Variants in RAPH1 observed in about 807,000 individuals in gnomAD.
RAPH1 encodes the protein ras-associated and pleckstrin homology domains-containing protein 1.
In RAPH1, 18 loss-of-function variants were observed where a neutral mutation model predicts 88.1. The observed-to-expected ratio is 0.20, with a 90% CI of 0.14 to 0.30. The LOEUF (loss-of-function observed/expected upper bound fraction) is 0.30. Ranked by LOEUF, RAPH1 falls within the 10% of genes least tolerant of loss-of-function variation. The pLI, the probability that RAPH1 is intolerant of heterozygous loss-of-function variation, is 1.00. For synonymous variants in RAPH1, 587 were observed against 559.0 expected, an observed-to-expected ratio of 1.05 and a Z score of -0.71; for missense variants, 1,448 against 1,543.2, an observed-to-expected ratio of 0.94 and a Z score of 1.03.
rs1252865697 is a variant in RAPH1 at position 203,506,746 on chromosome 2, A to ATATATATATATC, written c.1-11405_1-11394dup. ...AATCCATATATAGATATATATCTAT[A>ATATATATATATC]TATATATATATCTATATATATATCT... On this transcript the variant is annotated intron_variant, in intron 1 of 13. Coordinates refer to ENST00000319170, the MANE Select transcript of RAPH1 (RefSeq NM_213589.3). Among the ~76,000 whole-genome samples, 705 of 118,776 alleles carry ATATATATATATC rather than the reference A, an allele frequency of 5.9e-3. 50 individuals are homozygous for ATATATATATATC. The highest frequency in any genetic ancestry group is 0.028 in the African/African-American group (656 of 23,614). 77.9% of individuals were successfully genotyped at this position (118,776 alleles called of 152,430 possible). A position where few individuals can be genotyped will look rare whatever the true frequency, so the allele number is the denominator to read the frequency against.
At chr2:203,467,243 C>G (rs192186511) in intron 4 of RAPH1, among the ~76,000 whole-genome samples, 204 of 152,164 alleles carry the variant, frequency 1.3e-3, no homozygotes, top group African/African-American at 4.7e-3. Flanking sequence ...TACTGGAGGG[C>G]TCTGCATTCC....
intron 1 of RAPH1, among the ~76,000 whole-genome samples, chr2:203,503,801 G>A (rs889020682): frequency 2.6e-5 from 4 of 152,172 alleles, no homozygotes; most frequent in African/African-American, 9.7e-5. Flanking sequence ...TACAATGGGG[G>A]TACAGGTATT....
At chr2:203,491,605 C>T (rs1241855721) in intron 2 of RAPH1, among the ~76,000 whole-genome samples, 2 of 152,132 alleles carry the variant, frequency 1.3e-5, no homozygotes, top group Non-Finnish European at 2.9e-5. Flanking sequence ...ACTGCAACCT[C>T]CGCCTCCCGG....
At chr2:203,471,068 T>C (rs1311726993) in intron 4 of RAPH1, among the ~76,000 whole-genome samples, 1 of 152,220 alleles carries the variant, frequency 6.6e-6, no homozygotes, top group East Asian at 1.9e-4. Context: ...TAACATGTTG[T>C]AAGATAAGTT....
intron 1 of RAPH1, among the ~76,000 whole-genome samples, chr2:203,506,836 ATC>A (rs368040216): frequency 0.55 from 46,323 of 84,562 alleles, 14,495 homozygotes; most frequent in Middle Eastern, 0.74. Context: ...ATATATCTAT[ATC>A]TATATATCTA....
At chr2:203,518,115 C>T (rs1343627479) in intron 1 of RAPH1, among the ~76,000 whole-genome samples, 2 of 152,028 alleles carry the variant, frequency 1.3e-5, no homozygotes, top group Non-Finnish European at 2.9e-5. Context: ...AATTGATAAG[C>T]TTCTAGGTAG....
chr2:203,503,495 G>GC (rs1018725435), intron 1 of RAPH1, among the ~76,000 whole-genome samples: 59 of 152,054 alleles, frequency 3.9e-4, no homozygotes, highest in Non-Finnish European at 5.9e-4. Context: ...AGAAAGACTG[G>GC]CCCCCAAGAT....
chr2:203,475,750 A>T lies in RAPH1; in HGVS notation c.733-13825T>A, dbSNP rs75811127. ...GTTCTTTTTCCTACACTTCTTGTATAAAAAAAAAAAAAAAAAGGCTTCTGA... is the reference window on the plus strand; with the variant it reads ...GTTCTTTTTCCTACACTTCTTGTATTAAAAAAAAAAAAAAAAGGCTTCTGA... On this transcript the variant is annotated intron_variant, in intron 4 of 13. Transcript: ENST00000319170. 5.7e-4 allele frequency among the ~76,000 whole-genome samples: 64 copies of T among 112,842 alleles called. No individual in the cohort carries two copies. In the East Asian group the frequency reaches 0.011, roughly 20 times the overall value. The allele number at this position is 112,842 out of a possible 152,430, so 74.0% of individuals were successfully genotyped here.
chr2:203,503,472 C>G lies in RAPH1; in HGVS notation c.1-8119G>C, dbSNP rs1688837077. 2.0e-5 allele frequency among the ~76,000 whole-genome samples: 3 copies of G among 152,252 alleles called. No homozygotes were observed. The South Asian group carries it at 6.2e-4, about 32-fold the overall frequency. ...GATCTCATGAACTTATTCACTATCA[C>G]AAGATTAGCACAAGAAAGACTGGCC... On this transcript the variant is annotated intron_variant, in intron 1 of 13. Coordinates refer to ENST00000319170, the MANE Select transcript of RAPH1 (RefSeq NM_213589.3).
At chr2:203,470,268 C>T (rs1239442017) in intron 4 of RAPH1, 2 of 1,612,380 alleles carry the variant, frequency 1.2e-6, no homozygotes, top group Non-Finnish European at 1.7e-6. Flanking sequence ...GGTTTTCCTG[C>T]AATGTTTCTC....
In RAPH1 at chr2:203,441,036, G is replaced by C. The variant is rs2098503314; in HGVS notation, c.2154C>G (p.Pro718=). 1 of 1,504,478 alleles carries C rather than the reference G, an allele frequency of 6.6e-7. No homozygotes were observed. Among genetic ancestry groups the C allele is most frequent in the Admixed American group, 1.7e-5 (1 of 58,336 alleles). The allele number at this position is 1,504,478 out of a possible 1,614,324, so 93.2% of individuals were successfully genotyped here. A position where few individuals can be genotyped will look rare whatever the true frequency, so the allele number is the denominator to read the frequency against. ...VVPPPPPPPP[P]PTPGSAMAQL... ...GGGCCATGGCAGAGCCTGGGGTTGG[G>C]GGTGGAGGAGGGGGAGGGGGTGGTG... is the stretch of plus-strand genomic sequence containing the variant. Residue 718 remains proline, a synonymous_variant, in exon 14 of 14, where the codon CCC becomes CCG. Transcript: ENST00000319170.
intron 4 of RAPH1, among the ~76,000 whole-genome samples, chr2:203,482,018 AC>A (rs1270909213): frequency 8.7e-5 from 12 of 137,858 alleles, no homozygotes; most frequent in Admixed American, 2.3e-4. Context: ...GAAAAAAAAA[AC>A]ACACACACAC....
At chr2:203,506,853 T>TAG (rs1689084072) in intron 1 of RAPH1, among the ~76,000 whole-genome samples, 1 of 40,136 alleles carries the variant, frequency 2.5e-5, no homozygotes, top group Admixed American at 3.1e-4. Context: ...TATCTATCTA[T>TAG]ATCTATATAT....
At chr2:203,480,419 G>A (rs907704639) in intron 4 of RAPH1, among the ~76,000 whole-genome samples, 1 of 152,118 alleles carries the variant, frequency 6.6e-6, no homozygotes, top group African/African-American at 2.4e-5. Flanking sequence ...GTGGTGGTGC[G>A]CGCCTATAGT....
intron 12 of RAPH1, chr2:203,447,118 T>C (rs1325668496): frequency 6.6e-6 from 1 of 151,934 alleles, no homozygotes; most frequent in Non-Finnish European, 1.5e-5. Flanking sequence ...TCATCTTGTA[T>C]ATATTCTCTG....
Position 203,448,095 on chromosome 2 carries a change from G to C in RAPH1, c.1513-16C>G. ...GCTTCCCATACTAAAGAGAAGACAGGAAATGGTGACATCTAAACTTTACTG... is the reference window on the plus strand; with the variant it reads ...GCTTCCCATACTAAAGAGAAGACAGCAAATGGTGACATCTAAACTTTACTG... On this transcript the variant is annotated splice_polypyrimidine_tract_variant and intron_variant, in intron 11 of 13. Transcript: ENST00000319170. This position sits in a 1 kb window ranked among gnomAD's most constrained non-coding sequence, Gnocchi z 4.1. 6.2e-7 allele frequency: 1 copy of C among 1,612,400 alleles called. No individual in the cohort carries two copies. The highest frequency in any genetic ancestry group is 8.5e-7 in the Non-Finnish European group (1 of 1,179,064).
chr2:203,510,519 C>T (rs908947599), intron 1 of RAPH1, among the ~76,000 whole-genome samples: 3 of 151,862 alleles, frequency 2.0e-5, no homozygotes, highest in Non-Finnish European at 2.9e-5. Context: ...GGGTGGCATC[C>T]CCCAGGCAAT....
intron 2 of RAPH1, among the ~76,000 whole-genome samples, chr2:203,493,250 A>C (rs1688352611): frequency 1.3e-5 from 2 of 152,222 alleles, no homozygotes; most frequent in African/African-American, 4.8e-5. Flanking sequence ...GCAACTTAAA[A>C]TACAGGGGAA....
chr2:203,437,426 T>C lies in RAPH1; in HGVS notation c.*2011A>G, dbSNP rs2098499389. 1 of 152,210 alleles carries C rather than the reference T, an allele frequency of 6.6e-6. No homozygotes were observed. The highest frequency in any genetic ancestry group is 2.4e-5 in the African/African-American group (1 of 41,450). 9.4% of individuals were successfully genotyped at this position (152,210 alleles called of 1,614,324 possible). A position where few individuals can be genotyped will look rare whatever the true frequency, so the allele number is the denominator to read the frequency against. On this transcript the variant is annotated 3_prime_UTR_variant, in exon 14 of 14. Coordinates refer to ENST00000319170, the MANE Select transcript of RAPH1 (RefSeq NM_213589.3). ...CAGGCAGAAGACTATGAGAAATTCA[T>C]TCATGAATCACAGTAGCGCTTGGCA... is the stretch of plus-strand genomic sequence containing the variant.
Sources: allele counts gnomAD v4.1 joint callset (sites outside exome capture counted in the v4.1 genomes callset), GRCh38; gene constraint gnomAD v4.1.1; non-coding constraint Gnocchi (gnomAD v3.1); transcripts MANE v1.5; gene names NCBI Gene and HGNC (gene_info 2026-07-23, HGNC 2026-07-21).